The following KIAA0753 variants were observed in gnomAD, a reference collection of about 807,000 sequenced individuals.
KIAA0753 encodes KIAA0753.
Under a neutral mutation model 116.9 loss-of-function variants are expected in KIAA0753, and 114 were observed. That is an observed-to-expected ratio of 0.98 (90% CI 0.84 to 1.14). The LOEUF (loss-of-function observed/expected upper bound fraction) is 1.14, where lower values mean the gene tolerates loss of function less well. Among genes scored for constraint, KIAA0753 ranks in the 50% most tolerant of loss-of-function variants. KIAA0753 has a pLI of 0.00. For synonymous variants in KIAA0753, 405 were observed against 413.1 expected (o/e 0.98, Z 0.24); for missense variants, 1,156 against 1,172.4 (o/e 0.99, Z 0.20).
chr17:6,619,158 G>A (rs1971129650), intron 7 of KIAA0753, among the ~76,000 whole-genome samples: 1 of 151,998 alleles, frequency 6.6e-6, no homozygotes, highest in Admixed American at 6.6e-5. Flanking sequence ...AAACCTGGGA[G>A]GCAGAGGTTG....
At chr17:6,622,296 T>C (rs1490592511) in intron 6 of KIAA0753, among the ~76,000 whole-genome samples, 1 of 152,178 alleles carries the variant, frequency 6.6e-6, no homozygotes, top group Non-Finnish European at 1.5e-5. Flanking sequence ...CATACTGCCA[T>C]AGAAAGGGTC....
chr17:6,625,664 TAA>T (rs1418715804), intron 3 of KIAA0753, among the ~76,000 whole-genome samples: 2 of 140,176 alleles, frequency 1.4e-5, no homozygotes, highest in Non-Finnish European at 3.3e-5. Flanking sequence ...GAGACTGTCT[TAA>T]AAAAGAGAAG....
intron 15 of KIAA0753, among the ~76,000 whole-genome samples, chr17:6,595,469 C>T (rs1213133131): frequency 6.6e-6 from 1 of 151,784 alleles, no homozygotes; most frequent in Non-Finnish European, 1.5e-5. Context: ...GGGTAAACTG[C>T]GGATCTTTAA....
At position 6,579,842 on chromosome 17, in the gene KIAA0753, C is replaced by T. The variant is rs755321053; in HGVS notation, c.2809G>A (p.Glu937Lys). 6.2e-7 allele frequency: 1 copy of T among 1,613,606 alleles called. No homozygotes were observed. Among genetic ancestry groups the T allele is most frequent in the African/African-American group, 1.3e-5 (1 of 75,036 alleles). The change falls in exon 19 of 19, where the codon GAA (glutamate) becomes AAA (lysine). Residue 937 changes from glutamate to lysine, a missense_variant. Transcript: ENST00000361413. ...AESFSEELVD[E>K]ALGAVAAELQ... ...TCAGCAGCCACAGCACCCAGAGCTT[C>T]ATCTACCAGCTCTTCTGAAAAGCTG...
At position 6,596,304 on chromosome 17, in the gene KIAA0753, G is replaced by A. The variant is rs1041096614; in HGVS notation, c.2212C>T (p.Leu738Phe). 1 of 1,613,156 alleles carries A rather than the reference G, an allele frequency of 6.2e-7. No individual in the cohort carries two copies. The highest frequency in any genetic ancestry group is 8.5e-7 in the Non-Finnish European group (1 of 1,179,718). Residue 738 changes from leucine (L) to phenylalanine (F), a missense_variant, in exon 15 of 19, where the codon CTT becomes TTT. By Grantham distance (22) the Leu-to-Phe change is conservative. Transcript: ENST00000361413. ...GCACAATCTTCCAAAAAATCATCAA[G>A]CTGACGAATGTTGTTGGATTCAAAA... The part of the protein sequence containing the change: ...VDFESNNIRQ[L>F]DDFLEDCASE...
intron 8 of KIAA0753, 92 bp from the exon 9 acceptor site, chr17:6,610,252 G>A (rs2150831178): frequency 2.6e-6 from 3 of 1,166,346 alleles, no homozygotes; most frequent in Non-Finnish European, 3.5e-6. Context: ...AGTTCTCCAT[G>A]TTATTCATGC....
rs1191011989 is a variant in KIAA0753 at position 6,639,345 on chromosome 17, C to T, written c.-69+1292G>A. 3 of 153,140 alleles carry T rather than the reference C, an allele frequency of 2.0e-5. No homozygotes were observed. The highest frequency in any genetic ancestry group is 7.2e-5 in the African/African-American group (3 of 41,404). 9.5% of individuals were successfully genotyped at this position (153,140 alleles called of 1,614,324 possible). On this transcript the variant is annotated intron_variant, in intron 1 of 18. Coordinates refer to ENST00000361413, the MANE Select transcript of KIAA0753 (RefSeq NM_014804.3). The surrounding 1 kb of genome is among the most constrained non-coding windows in gnomAD (Gnocchi z 4.3). ...CGAGCTCTCCCTCCATGGCTCTGGG[C>T]GCTCCCACAGCCCCAGTCCACCCCA...
intron 7 of KIAA0753, among the ~76,000 whole-genome samples, chr17:6,619,112 C>A (rs781657309): frequency 4.6e-5 from 7 of 151,938 alleles, no homozygotes; most frequent in Middle Eastern, 3.2e-3. Context: ...ACCTGTAATC[C>A]CAGCTACTCA....
chr17:6,631,739 A>C (rs899625100), intron 2 of KIAA0753, among the ~76,000 whole-genome samples: 13 of 152,312 alleles, frequency 8.5e-5, no homozygotes, highest in African/African-American at 3.1e-4. Flanking sequence ...GGCCTAAAAC[A>C]ATGACATGAT....
At chr17:6,609,491 T>G (rs1970396162) in intron 9 of KIAA0753, among the ~76,000 whole-genome samples, 1 of 152,228 alleles carries the variant, frequency 6.6e-6, no homozygotes, top group Middle Eastern at 3.2e-3. Context: ...AACATTATCC[T>G]AATTGCTCCC....
intron 4 of KIAA0753, among the ~76,000 whole-genome samples, chr17:6,624,196 T>A (rs926993753): frequency 1.3e-5 from 2 of 152,184 alleles, no homozygotes; most frequent in Admixed American, 6.5e-5. Context: ...TCCATCACAA[T>A]GTAAAGAACG....
chr17:6,631,267 A>G (rs954833903), intron 2 of KIAA0753, among the ~76,000 whole-genome samples: 7 of 152,232 alleles, frequency 4.6e-5, no homozygotes, highest in Non-Finnish European at 1.0e-4. Flanking sequence ...TAACTTTTGA[A>G]TATAGCATTT....
At chr17:6,595,419 G>C (rs1023892063) in intron 15 of KIAA0753, among the ~76,000 whole-genome samples, 1 of 152,116 alleles carries the variant, frequency 6.6e-6, no homozygotes, top group Non-Finnish European at 1.5e-5. Context: ...TGAGCACCCC[G>C]GGCCTAGACA....
intron 7 of KIAA0753, among the ~76,000 whole-genome samples, chr17:6,616,471 T>A (rs1970941108): frequency 1.3e-5 from 2 of 152,222 alleles, no homozygotes; most frequent in Admixed American, 1.3e-4. Context: ...ATTTGCCACT[T>A]ACAACAACTA....
chr17:6,609,917 TA>T, intron 9 of KIAA0753, 76 bp downstream of exon 9: 1 of 1,511,360 alleles, frequency 6.6e-7, no homozygotes, highest in Non-Finnish European at 9.0e-7. Context: ...TTGCTCCTTA[TA>T]AGCTACAGGT....
At position 6,579,839 on chromosome 17, in the gene KIAA0753, C is replaced by T. The variant is rs751943420; in HGVS notation, c.2812G>A (p.Ala938Thr). Reference protein sequence around the residue: ...ESFSEELVDEALGAVAAELQD... With the variant: ...ESFSEELVDETLGAVAAELQD... ...AGTTCAGCAGCCACAGCACCCAGAG[C>T]TTCATCTACCAGCTCTTCTGAAAAG... Residue 938 changes from alanine (A) to threonine (T), a missense_variant, in exon 19 of 19, where the codon GCT becomes ACT. By Grantham distance (58) the Ala-to-Thr change is moderately conservative. Coordinates refer to ENST00000361413, the MANE Select transcript of KIAA0753 (RefSeq NM_014804.3). 3.7e-6 allele frequency: 6 copies of T among 1,613,722 alleles called. No individual in the cohort carries two copies. Among genetic ancestry groups the T allele is most frequent in the Non-Finnish European group, 5.1e-6 (6 of 1,179,894 alleles).
At position 6,589,852 on chromosome 17, in the gene KIAA0753, G is replaced by C. The variant is rs777236349; in HGVS notation, c.2713C>G (p.Arg905Gly). The C allele has an allele frequency of 6.2e-7, 1 of 1,614,034 alleles. No individual in the cohort carries two copies. The highest frequency in any genetic ancestry group is 2.2e-5 in the East Asian group (1 of 44,878). Reference sequence around the variant, plus strand: ...ATGATCCGAAGGTACTGCTCAAAACGACTACAGTAGTCACCGATGCTGTGC... The same window carrying C: ...ATGATCCGAAGGTACTGCTCAAAACCACTACAGTAGTCACCGATGCTGTGC... ...MQHSIGDYCS[R>G]FEQYLRIISH... The change falls in exon 18 of 19, where the codon CGT becomes GGT. Residue 905 changes from arginine (R) to glycine (G), a missense_variant. By Grantham distance (125) the Arg-to-Gly change is moderately radical (BLOSUM62 -2). Coordinates refer to ENST00000361413, the MANE Select transcript of KIAA0753 (RefSeq NM_014804.3).
At chr17:6,612,319 A>G (rs753491208) in intron 7 of KIAA0753, among the ~76,000 whole-genome samples, 171 bp from the exon 8 acceptor site, 10 of 152,238 alleles carry the variant, frequency 6.6e-5, no homozygotes, top group Non-Finnish European at 1.2e-4. Context: ...CTGCAGGTTT[A>G]TAAGCAGAAA....
chr17:6,631,547 C>CA lies in KIAA0753; in HGVS notation c.94-2807dup, dbSNP rs1350280450. Among the ~76,000 whole-genome samples, 3 of 152,050 alleles carry CA rather than the reference C, an allele frequency of 2.0e-5. No individual in the cohort carries two copies. The East Asian group carries it at 5.8e-4, about 29-fold the overall frequency. On this transcript the variant is annotated intron_variant, in intron 2 of 18. Coordinates refer to ENST00000361413, the MANE Select transcript of KIAA0753 (RefSeq NM_014804.3). The stretch of plus-strand genomic sequence containing the variant: ...GTTTTAATACAGACATATAGGCAGA[C>CA]AGACACAGAAAGATACATAGACAGC...
Sources: gnomAD v4.1 joint callset for allele counts (sites outside exome capture counted in the v4.1 genomes callset) on GRCh38, gnomAD v4.1.1 for gene constraint, Gnocchi (gnomAD v3.1) non-coding constraint, MANE v1.5 for transcripts, NCBI Gene and HGNC (gene_info 2026-07-23, HGNC 2026-07-21) for gene names.